The following MAP4 variants were observed in gnomAD, a reference collection of about 807,000 sequenced individuals.
The protein encoded by MAP4 is microtubule associated protein 4.
A neutral mutation model predicts 170.2 loss-of-function variants in MAP4; 76 were observed. The observed-to-expected ratio is 0.45, with a 90% CI of 0.37 to 0.54. The LOEUF (loss-of-function observed/expected upper bound fraction) is 0.54, where lower values mean the gene tolerates loss of function less well. MAP4 is among the 20% of genes least tolerant of loss of function. The pLI, the probability that MAP4 is intolerant of heterozygous loss-of-function variation, is 0.00. For missense variants in MAP4, 2,506 were observed against 2,748.0 expected, an observed-to-expected ratio of 0.91 and a Z score of 1.97; for synonymous variants, 909 against 994.5, an observed-to-expected ratio of 0.91 and a Z score of 1.62.
Position 47,916,475 on chromosome 3 carries a change from G to A in MAP4, c.1352C>T (p.Thr451Ile). The part of the protein sequence containing the change: ...ETEVALARDM[T>I]LPPETNVILT... Reference sequence around the variant, plus strand: ...GATCACGTTGGTTTCCGGGGGCAGTGTCATGTCCCTGGCCAGGGCTACCTC... The same window carrying A: ...GATCACGTTGGTTTCCGGGGGCAGTATCATGTCCCTGGCCAGGGCTACCTC... Residue 451 changes from threonine (T) to isoleucine (I), a missense_variant, in exon 7 of 21, where the codon ACA (threonine) becomes ATA (isoleucine). Coordinates refer to ENST00000683076, the MANE Select transcript of MAP4 (RefSeq NM_001385682.1). The A allele has an allele frequency of 6.2e-7, 1 of 1,614,198 alleles. No homozygotes were observed. Among genetic ancestry groups the A allele is most frequent in the Non-Finnish European group, 8.5e-7 (1 of 1,180,034 alleles).
intron 2 of MAP4, among the ~76,000 whole-genome samples, chr3:47,984,886 T>C (rs1384420215): frequency 1.4e-5 from 2 of 146,028 alleles, no homozygotes; most frequent in South Asian, 2.2e-4. Flanking sequence ...GGAGAATCAC[T>C]TGAACCCAGA....
intron 1 of MAP4, among the ~76,000 whole-genome samples, chr3:48,055,629 G>A (rs1314785924): frequency 1.1e-4 from 12 of 111,990 alleles, no homozygotes; most frequent in East Asian, 2.7e-4. Context: ...CCGCCACCCC[G>A]TCTGGGAAGT....
chr3:47,974,866 ATATCTATCAT>A, intron 3 of MAP4: 1 of 967,654 alleles, frequency 1.0e-6, no homozygotes, highest in Non-Finnish European at 1.2e-6. Flanking sequence ...AAAACTTAAA[ATATCTATCAT>A]TATTTAGATT....
At position 47,916,055 on chromosome 3, in the gene MAP4, T is replaced by C. The variant is rs779831698; in HGVS notation, c.1772A>G (p.Asp591Gly). ...ETEATPVPIK[D>G]MEIAQTQKGI... ...TTTTTGTGTTTGTGCAATTTCCATG[T>C]CTTTAATTGGAACTGGTGTTGCCTC... The change falls in exon 7 of 21, where the codon GAC becomes GGC. Residue 591 changes from aspartate (D) to glycine (G), a missense_variant. By Grantham distance (94) the Asp-to-Gly change is moderately conservative (BLOSUM62 -1). This residue lies in a region of MAP4 where 2,008 missense variants were observed against 2,206.0 expected (regional missense o/e 0.91). Transcript: ENST00000683076. 33 of 1,614,098 alleles carry C rather than the reference T, an allele frequency of 2.0e-5. No individual in the cohort carries two copies. In the African/African-American group the frequency reaches 4.1e-4, roughly 20 times the overall value.
At chr3:47,892,248 C>T in intron 10 of MAP4, 5 of 1,536,348 alleles carry the variant, frequency 3.3e-6, no homozygotes, top group Non-Finnish European at 4.4e-6. Flanking sequence ...TCTAGCTTCC[C>T]CTCAAAAAAG....
chr3:47,857,959 C>A (rs2059357345), intron 17 of MAP4, among the ~76,000 whole-genome samples: 1 of 151,708 alleles, frequency 6.6e-6, no homozygotes, highest in Admixed American at 6.6e-5. Context: ...ATCCACCCAC[C>A]TCAGATTTCC....
chr3:48,064,700 G>A (rs1029832352), intron 1 of MAP4, among the ~76,000 whole-genome samples: 2 of 152,074 alleles, frequency 1.3e-5, no homozygotes, highest in African/African-American at 4.8e-5. Flanking sequence ...CTTCATCATT[G>A]TGCAACTGTC....
intron 3 of MAP4, among the ~76,000 whole-genome samples, chr3:47,938,109 G>A (rs1383103745): frequency 1.3e-5 from 2 of 151,480 alleles, no homozygotes; most frequent in Non-Finnish European, 2.9e-5. Flanking sequence ...GGTGGCTCAT[G>A]CCTGTAATCC....
Position 47,912,209 on chromosome 3 carries a change from TC to T in MAP4, c.2211del (p.Asn738ThrfsTer24). 6.5e-7 allele frequency: 1 copy of T among 1,536,128 alleles called. No individual in the cohort carries two copies. The highest frequency in any genetic ancestry group is 8.7e-7 in the Non-Finnish European group (1 of 1,146,896). On this transcript the variant is annotated frameshift_variant, in exon 9 of 21. Coordinates refer to ENST00000683076, the MANE Select transcript of MAP4 (RefSeq NM_001385682.1). LOFTEE classifies it high-confidence loss of function. Reference protein sequence around the residue: ...VSGSSSCGGPGNQRKSIHVDS... With the variant: ...VSGSSSCGGPXNQRKSIHVDS... ...TCAACATGAATACTTTTTCTTTGGT[TC>T]CCAGGCCCACCACAGGAGGATGAAC... is the stretch of plus-strand genomic sequence containing the variant.
intron 1 of MAP4, among the ~76,000 whole-genome samples, chr3:48,087,729 G>A (rs1397269704): frequency 8.5e-6 from 1 of 117,850 alleles, no homozygotes. Flanking sequence ...ACACGCACGC[G>A]CACACACACG....
chr3:47,872,037 CTGGGGCAGAAGCTGGCTTGGA>C lies in MAP4; in HGVS notation c.5800_5820del (p.Ser1934_Pro1940del), dbSNP rs760116046. On this transcript the variant is annotated inframe_deletion, in exon 13 of 21. Transcript: ENST00000683076. ...GTGCTCTTGGACCCAGATCTGGAGG[CTGGGGCAGAAGCTGGCTTGGA>C]TGGTGAGGCCCGCTTCTCAGGAGCC... 1.5e-4 allele frequency: 242 copies of C among 1,613,894 alleles called. No homozygotes were observed. The highest frequency in any genetic ancestry group is 1.9e-4 in the Non-Finnish European group (230 of 1,179,994).
intron 10 of MAP4, among the ~76,000 whole-genome samples, chr3:47,885,706 T>C (rs1237052566): frequency 6.6e-6 from 1 of 151,852 alleles, no homozygotes; most frequent in Non-Finnish European, 1.5e-5. Context: ...CCAACAACTG[T>C]GCAAATTTGT....
chr3:47,908,951 G>A, intron 9 of MAP4, 87 bp downstream of exon 9: 1 of 1,353,088 alleles, frequency 7.4e-7, no homozygotes, highest in Non-Finnish European at 1.0e-6. Context: ...ATTAGAGTCT[G>A]GATGGAGCCA....
chr3:47,892,938 C>T (rs1348256728), intron 10 of MAP4: 6 of 974,374 alleles, frequency 6.2e-6, no homozygotes, highest in Non-Finnish European at 7.3e-6. Flanking sequence ...ACTCAGAAAA[C>T]TGTTTTAAAA....
intron 10 of MAP4, among the ~76,000 whole-genome samples, chr3:47,890,511 A>T (rs2098366523): frequency 6.6e-6 from 1 of 152,236 alleles, no homozygotes; most frequent in South Asian, 2.1e-4. Context: ...AAAACAGAAA[A>T]CAGAGCTTCC....
In MAP4 at chr3:47,909,838, T is replaced by C. The variant is rs1469713536; in HGVS notation, c.4583A>G (p.Lys1528Arg). Reference protein sequence around the residue: ...TVNIHGDHSLKNKAELADSMK... With the variant: ...TVNIHGDHSLRNKAELADSMK... ...GGAATCAGCAAGCTCAGCTTTATTC[T>C]TAAGAGAGTGATCTCCATGAATGTT... Residue 1528 changes from lysine (K) to arginine (R), a missense_variant, in exon 9 of 21, where the codon AAG becomes AGG. Physicochemically the swap from Lys to Arg is conservative, Grantham distance 26. Transcript: ENST00000683076. 6.2e-7 allele frequency: 1 copy of C among 1,614,048 alleles called. No individual in the cohort carries two copies. The highest frequency in any genetic ancestry group is 1.1e-5 in the South Asian group (1 of 91,084).
At chr3:47,888,815 T>A (rs2098102984) in intron 10 of MAP4, among the ~76,000 whole-genome samples, 1 of 152,236 alleles carries the variant, frequency 6.6e-6, no homozygotes, top group Admixed American at 6.5e-5. Flanking sequence ...TTTGGAATAT[T>A]TCCTTAACCT....
At chr3:47,857,048 A>C (rs1165216439) in intron 18 of MAP4, among the ~76,000 whole-genome samples, 1 of 152,224 alleles carries the variant, frequency 6.6e-6, no homozygotes, top group Non-Finnish European at 1.5e-5. Context: ...TTGCTCCTGC[A>C]TCTGATAGGT....
intron 1 of MAP4, among the ~76,000 whole-genome samples, chr3:48,010,329 CTCCT>C (rs1372458621): frequency 6.6e-6 from 1 of 152,182 alleles, no homozygotes; most frequent in African/African-American, 2.4e-5. Context: ...TGAGTATTTC[CTCCT>C]TCATTTGTTA....
Sources: gnomAD v4.1 joint callset for allele counts (sites outside exome capture counted in the v4.1 genomes callset) on GRCh38, gnomAD v4.1.1 for gene constraint, gnomAD v4.1.1 regional missense constraint, MANE v1.5 for transcripts, NCBI Gene and HGNC (gene_info 2026-07-23, HGNC 2026-07-21) for gene names.